SUSD4: variants seen among roughly 807,000 people sequenced by gnomAD.
SUSD4 encodes the protein sushi domain-containing protein 4.
SUSD4 carries 41 observed loss-of-function variants against 50.5 expected under a neutral mutation model. The ratio of observed to expected loss-of-function variants is 0.81; its 90% CI spans 0.63 to 1.05. SUSD4 has a LOEUF of 1.05. Among genes scored for constraint, SUSD4 ranks in the 50% least tolerant of loss-of-function variants. The pLI, the probability that SUSD4 is intolerant of heterozygous loss-of-function variation, is 0.00. For synonymous variants in SUSD4, 257 were observed against 257.3 expected, an observed-to-expected ratio of 1.00 and a Z score of 0.01; for missense variants, 580 against 634.7, an observed-to-expected ratio of 0.91 and a Z score of 0.93.
intron 5 of SUSD4, chr1:223,263,698 G>A (rs554050543): frequency 3.5e-5 from 34 of 985,340 alleles, no homozygotes; most frequent in Non-Finnish European, 3.7e-5. Context: ...TGATCCTTCT[G>A]AGCAATAGTC....
chr1:223,353,330 G>A (rs1668470554), intron 2 of SUSD4, among the ~76,000 whole-genome samples: 1 of 152,094 alleles, frequency 6.6e-6, no homozygotes, highest in Non-Finnish European at 1.5e-5. Flanking sequence ...GGAGGCAAAA[G>A]GCAAAAATAG....
intron 5 of SUSD4, among the ~76,000 whole-genome samples, chr1:223,239,163 T>G (rs1378917729): frequency 2.0e-5 from 3 of 152,102 alleles, no homozygotes. Context: ...TCTTCCTTTC[T>G]TTTCATTACT....
At chr1:223,336,007 T>C (rs929742797) in intron 2 of SUSD4, among the ~76,000 whole-genome samples, 1 of 151,824 alleles carries the variant, frequency 6.6e-6, no homozygotes, top group Non-Finnish European at 1.5e-5. Context: ...CAAAAAGTTG[T>C]TTAAAAAAAA....
chr1:223,226,335 T>G (rs1196086603), intron 7 of SUSD4, among the ~76,000 whole-genome samples: 3 of 152,244 alleles, frequency 2.0e-5, no homozygotes, highest in Admixed American at 2.0e-4. Flanking sequence ...AGGATGGCAC[T>G]GACACACCTC....
intron 5 of SUSD4, chr1:223,263,591 T>A: frequency 1.0e-6 from 1 of 985,310 alleles, no homozygotes; most frequent in South Asian, 4.7e-5. Context: ...TGGGAAGGGC[T>A]GGCCTTCTGG....
chr1:223,252,799 G>C (rs1365778537), intron 5 of SUSD4, among the ~76,000 whole-genome samples: 1 of 151,804 alleles, frequency 6.6e-6, no homozygotes, highest in Non-Finnish European at 1.5e-5. Flanking sequence ...TGGAGAAGAC[G>C]GGGTCAGAAA....
At chr1:223,224,951 C>A (rs760134208) in intron 7 of SUSD4, among the ~76,000 whole-genome samples, 4 of 147,882 alleles carry the variant, frequency 2.7e-5, no homozygotes, top group Non-Finnish European at 5.9e-5. Context: ...CTCACTGAAA[C>A]CTCCGCCTCC....
intron 3 of SUSD4, among the ~76,000 whole-genome samples, chr1:223,288,934 T>G (rs369268512): frequency 2.0e-5 from 3 of 152,206 alleles, no homozygotes; most frequent in African/African-American, 7.2e-5. Flanking sequence ...ACGTATGTGT[T>G]GAGTAAGTGT....
intron 3 of SUSD4, among the ~76,000 whole-genome samples, chr1:223,275,901 A>C (rs1034068377): frequency 3.3e-5 from 5 of 152,182 alleles, no homozygotes; most frequent in Non-Finnish European, 7.3e-5. Flanking sequence ...GAAAAACAGA[A>C]CCTAATCCGC....
chr1:223,225,978 A>T (rs1325862020), intron 7 of SUSD4, among the ~76,000 whole-genome samples: 1 of 152,238 alleles, frequency 6.6e-6, no homozygotes, highest in Non-Finnish European at 1.5e-5. Context: ...ACTCAAGAAT[A>T]ATATAAGATG....
At chr1:223,274,151 T>C (rs1416500271) in intron 3 of SUSD4, among the ~76,000 whole-genome samples, 3 of 152,218 alleles carry the variant, frequency 2.0e-5, no homozygotes, top group Non-Finnish European at 4.4e-5. Context: ...ACCCTTCTGC[T>C]GTTCTAAAGA....
At chr1:223,273,841 G>A (rs1266376229) in intron 3 of SUSD4, among the ~76,000 whole-genome samples, 1 of 152,232 alleles carries the variant, frequency 6.6e-6, no homozygotes, top group African/African-American at 2.4e-5. Context: ...GAAAGCTCAT[G>A]TCTGGTGACT....
chr1:223,262,984 T>A (rs1438777470), intron 5 of SUSD4, among the ~76,000 whole-genome samples: 1 of 152,222 alleles, frequency 6.6e-6, no homozygotes, highest in African/African-American at 2.4e-5. Flanking sequence ...TTTTGTTTTA[T>A]GCCTATCCAA....
chr1:223,244,320 T>C (rs1422858075), intron 5 of SUSD4, among the ~76,000 whole-genome samples: 3 of 152,120 alleles, frequency 2.0e-5, no homozygotes, highest in Admixed American at 1.3e-4. Flanking sequence ...GCAATGGAGA[T>C]GGGCCAGAGA....
chr1:223,344,078 T>G (rs891738997), intron 2 of SUSD4, among the ~76,000 whole-genome samples: 6 of 152,176 alleles, frequency 3.9e-5, no homozygotes, highest in Non-Finnish European at 7.3e-5. Context: ...ACAGTTAAAA[T>G]GGAATGTGAG....
chr1:223,281,866 A>G (rs1159380564), intron 3 of SUSD4, among the ~76,000 whole-genome samples: 3 of 152,250 alleles, frequency 2.0e-5, no homozygotes, highest in Non-Finnish European at 4.4e-5. Flanking sequence ...CAAATCCAGC[A>G]GCACATCAAA....
chr1:223,227,211 C>T lies in SUSD4; in HGVS notation c.1061+383G>A, dbSNP rs887965984. 2.0e-5 allele frequency among the ~76,000 whole-genome samples: 3 copies of T among 152,114 alleles called. No homozygotes were observed. The highest frequency in any genetic ancestry group is 2.4e-5 in the African/African-American group (1 of 41,402). On this transcript the variant is annotated intron_variant, in intron 7 of 8. Transcript: ENST00000366878. The surrounding 1 kb of genome is among the most constrained non-coding windows in gnomAD (Gnocchi z 4.5). Reference sequence around the variant, plus strand: ...GACCTGTGTCCCAGTCAGCTGTGTGCGCATCTTACCCTCCCTATAGACTGA... The same window carrying T: ...GACCTGTGTCCCAGTCAGCTGTGTGTGCATCTTACCCTCCCTATAGACTGA...
At chr1:223,355,974 C>T (rs1668642272) in intron 2 of SUSD4, among the ~76,000 whole-genome samples, 4 of 152,160 alleles carry the variant, frequency 2.6e-5, no homozygotes, top group African/African-American at 9.7e-5. Context: ...CTGCTGGGGC[C>T]TGCACATGCC....
At chr1:223,353,180 C>T (rs969784705) in intron 2 of SUSD4, among the ~76,000 whole-genome samples, 1 of 152,168 alleles carries the variant, frequency 6.6e-6, no homozygotes, top group African/African-American at 2.4e-5. Context: ...ACTGGCACAT[C>T]CCATTTTGCA....
Sources: gnomAD v4.1 joint callset for allele counts (sites outside exome capture counted in the v4.1 genomes callset) on GRCh38, gnomAD v4.1.1 for gene constraint, Gnocchi (gnomAD v3.1) non-coding constraint, MANE v1.5 for transcripts, NCBI Gene and HGNC (gene_info 2026-07-23, HGNC 2026-07-21) for gene names.